The following CADM2 variants were observed in gnomAD, a reference collection of about 807,000 sequenced individuals.
The protein encoded by CADM2 is cell adhesion molecule 2.
In CADM2, 12 loss-of-function variants were observed where a neutral mutation model predicts 49.8. That is an observed-to-expected ratio of 0.24 (90% CI 0.15 to 0.39). The LOEUF is 0.39. CADM2 is among the 10% of genes least tolerant of loss of function. The pLI is 1.00. For synonymous variants in CADM2, 214 were observed against 175.4 expected, an observed-to-expected ratio of 1.22 and a Z score of -1.74; for missense variants, 378 against 492.3, an observed-to-expected ratio of 0.77 and a Z score of 2.20.
At chr3:85,844,396 T>A (rs1249180905) in intron 3 of CADM2, among the ~76,000 whole-genome samples, 1 of 152,152 alleles carries the variant, frequency 6.6e-6, no homozygotes. Flanking sequence ...AAAATATGTT[T>A]AAATTTCCGT....
chr3:85,141,383 T>A (rs2039570863), intron 1 of CADM2, among the ~76,000 whole-genome samples: 1 of 152,200 alleles, frequency 6.6e-6, no homozygotes, highest in African/African-American at 2.4e-5. Context: ...GTAAAGTGCT[T>A]AAACAGGGTG....
chr3:85,195,695 C>A (rs568503820), intron 1 of CADM2, among the ~76,000 whole-genome samples: 1 of 151,982 alleles, frequency 6.6e-6, no homozygotes, highest in East Asian at 1.9e-4. Context: ...AGCTGAGTGA[C>A]AAGTATGTGC....
chr3:85,824,394 G>T (rs1407274693), intron 3 of CADM2, among the ~76,000 whole-genome samples: 1 of 152,014 alleles, frequency 6.6e-6, no homozygotes, highest in African/African-American at 2.4e-5. Flanking sequence ...AAATAAAATG[G>T]ATAGAGATTT....
intron 8 of CADM2, among the ~76,000 whole-genome samples, chr3:86,054,695 T>G (rs1737714361): frequency 6.6e-6 from 1 of 151,922 alleles, no homozygotes; most frequent in Admixed American, 6.6e-5. Flanking sequence ...CTTAATTTAA[T>G]TATAATCAAG....
chr3:85,334,621 TA>T (rs2045027199), intron 1 of CADM2, among the ~76,000 whole-genome samples: 1 of 151,546 alleles, frequency 6.6e-6, no homozygotes. Context: ...AAAATTTGCC[TA>T]AAACTTAGCT....
intron 1 of CADM2, among the ~76,000 whole-genome samples, chr3:85,428,255 TTAAA>T (rs1450625333): frequency 3.4e-5 from 5 of 148,944 alleles, no homozygotes; most frequent in Middle Eastern, 3.4e-3. Context: ...ATACTTGAAC[TTAAA>T]TAGTCAATAA....
At chr3:85,016,285 T>C (rs1269031427) in intron 1 of CADM2, among the ~76,000 whole-genome samples, 1 of 152,014 alleles carries the variant, frequency 6.6e-6, no homozygotes, top group Non-Finnish European at 1.5e-5. Flanking sequence ...ATAATATAAA[T>C]CAATATTTAT....
intron 1 of CADM2, among the ~76,000 whole-genome samples, chr3:85,298,464 A>T (rs572854993): frequency 6.6e-6 from 1 of 152,060 alleles, no homozygotes; most frequent in African/African-American, 2.4e-5. Context: ...ATGCATGTAT[A>T]CTTAGTGATT....
intron 5 of CADM2, among the ~76,000 whole-genome samples, chr3:85,910,191 T>C (rs1324555117): frequency 6.6e-6 from 1 of 152,130 alleles, no homozygotes; most frequent in African/African-American, 2.4e-5. Context: ...TTATAAAAAG[T>C]AAACAACCAG....
intron 1 of CADM2, among the ~76,000 whole-genome samples, chr3:85,294,046 T>C (rs1285521872): frequency 2.0e-5 from 3 of 151,708 alleles, no homozygotes; most frequent in African/African-American, 7.3e-5. Context: ...AACCCCATTG[T>C]CTCAGCCCAA....
In CADM2 at chr3:85,530,566, T is replaced by C. The variant is rs182004357; in HGVS notation, c.62-195956T>C. Among the ~76,000 whole-genome samples, 5 of 152,082 alleles carry C rather than the reference T, an allele frequency of 3.3e-5. No homozygotes were observed. The East Asian group carries it at 7.8e-4, about 24-fold the overall frequency. On this transcript the variant is annotated intron_variant, in intron 1 of 9. Transcript: ENST00000383699. ...GGATGGTCTCAATCTCCTGACTTCA[T>C]GATCCACCCTCCTTGGCCTCCCAAA...
intron 1 of CADM2, among the ~76,000 whole-genome samples, chr3:85,103,326 G>A (rs1397598767): frequency 6.6e-6 from 1 of 151,960 alleles, no homozygotes; most frequent in Non-Finnish European, 1.5e-5. Flanking sequence ...AAAAAATTTA[G>A]TGTAACCATA....
chr3:85,716,340 T>C (rs1026045047), intron 1 of CADM2, among the ~76,000 whole-genome samples: 1 of 152,216 alleles, frequency 6.6e-6, no homozygotes, highest in Non-Finnish European at 1.5e-5. Flanking sequence ...TGCCCACTTT[T>C]TGATGGGGTT....
At chr3:85,016,226 G>A (rs1325412294) in intron 1 of CADM2, among the ~76,000 whole-genome samples, 2 of 152,166 alleles carry the variant, frequency 1.3e-5, no homozygotes, top group African/African-American at 2.4e-5. Flanking sequence ...AGGATTCACA[G>A]TGAGAATGGG....
chr3:85,279,865 A>G (rs1306300702), intron 1 of CADM2, among the ~76,000 whole-genome samples: 2 of 151,640 alleles, frequency 1.3e-5, no homozygotes, highest in Non-Finnish European at 3.0e-5. Flanking sequence ...TAGTTTGCCA[A>G]CTTTTTAATT....
At chr3:85,015,743 G>A (rs1454173174) in intron 1 of CADM2, among the ~76,000 whole-genome samples, 5 of 152,146 alleles carry the variant, frequency 3.3e-5, no homozygotes, top group Non-Finnish European at 7.4e-5. Flanking sequence ...CTCTTACAAG[G>A]AGGGAAAGGA....
intron 1 of CADM2, among the ~76,000 whole-genome samples, chr3:85,427,286 C>G (rs899652485): frequency 6.6e-6 from 1 of 150,422 alleles, no homozygotes; most frequent in Non-Finnish European, 1.5e-5. Context: ...GCTGGTCCAA[C>G]AATTAGTCCA....
chr3:85,357,241 C>T (rs982239051), intron 1 of CADM2, among the ~76,000 whole-genome samples: 1 of 152,106 alleles, frequency 6.6e-6, no homozygotes, highest in African/African-American at 2.4e-5. Context: ...AAATTGTCAG[C>T]AAGCTTAGAA....
intron 1 of CADM2, among the ~76,000 whole-genome samples, chr3:85,526,046 A>G (rs1056749781): frequency 6.6e-5 from 10 of 152,088 alleles, no homozygotes; most frequent in African/African-American, 1.9e-4. Context: ...TTTCTCTCTG[A>G]CACCCTGTTC....
Sources: gnomAD v4.1 joint callset for allele counts (sites outside exome capture counted in the v4.1 genomes callset) on GRCh38, gnomAD v4.1.1 for gene constraint, MANE v1.5 for transcripts, NCBI Gene and HGNC (gene_info 2026-07-23, HGNC 2026-07-21) for gene names.